The following EXT1 variants were observed in gnomAD, a reference collection of about 807,000 sequenced individuals.
The protein encoded by EXT1 is exostosin-1.
In EXT1, 20 loss-of-function variants were observed where a neutral mutation model predicts 82.5. The ratio of observed to expected loss-of-function variants is 0.24; its 90% CI spans 0.17 to 0.35. The LOEUF is 0.35. EXT1 is among the 10% of genes least tolerant of loss of function. The pLI, the probability that EXT1 is intolerant of heterozygous loss-of-function variation, is 1.00. For synonymous variants in EXT1, 348 were observed against 350.8 expected (o/e 0.99, Z 0.09); for missense variants, 757 against 936.5 (o/e 0.81, Z 2.50).
chr8:117,856,145 G>C (rs1812552486), intron 1 of EXT1, among the ~76,000 whole-genome samples: 2 of 152,290 alleles, frequency 1.3e-5, no homozygotes, highest in Middle Eastern at 3.4e-3. Flanking sequence ...TGAATGATAA[G>C]AGGGAGAAAC....
chr8:118,045,448 A>T (rs573020023), intron 1 of EXT1, among the ~76,000 whole-genome samples: 1 of 152,240 alleles, frequency 6.6e-6, no homozygotes, highest in Admixed American at 6.5e-5. Context: ...AAACCAGTAA[A>T]AGTTAGATAT....
intron 1 of EXT1, among the ~76,000 whole-genome samples, chr8:117,943,855 T>C (rs1292273087): frequency 1.3e-5 from 2 of 152,176 alleles, no homozygotes; most frequent in Non-Finnish European, 1.5e-5. Context: ...ATTCTTCTAG[T>C]GTCATTCCTG....
chr8:117,810,761 C>T (rs559533122), intron 8 of EXT1, among the ~76,000 whole-genome samples: 2 of 152,176 alleles, frequency 1.3e-5, no homozygotes, highest in Non-Finnish European at 2.9e-5. Flanking sequence ...CTCTTCTTGT[C>T]CTGCCCTGTG....
intron 8 of EXT1, among the ~76,000 whole-genome samples, chr8:117,807,866 T>TA (rs140138400): frequency 1.4e-3 from 211 of 147,890 alleles, no homozygotes; most frequent in African/African-American, 3.5e-3. Context: ...GAAATAACTT[T>TA]AAAAAAAAAA....
intron 1 of EXT1, among the ~76,000 whole-genome samples, chr8:118,007,114 G>A (rs548211888): frequency 2.7e-4 from 41 of 152,214 alleles, no homozygotes; most frequent in African/African-American, 7.5e-4. Context: ...TGGCTAACAC[G>A]GTGAAACCCC....
intron 1 of EXT1, among the ~76,000 whole-genome samples, chr8:117,986,568 T>C (rs1458471044): frequency 6.6e-6 from 1 of 152,168 alleles, no homozygotes; most frequent in African/African-American, 2.4e-5. Context: ...ATCCAGACTA[T>C]CTCTATGTGG....
At position 117,797,044 on chromosome 8, in the gene EXT1, T is replaced by C. The variant is rs138634968; in HGVS notation, c.*2668A>G. The C allele has an allele frequency of 6.6e-6, 1 of 152,230 alleles. No individual in the cohort carries two copies. Among genetic ancestry groups the C allele is most frequent in the East Asian group, 1.9e-4 (1 of 5,182 alleles). The allele number at this position is 152,230 out of a possible 1,614,324, so 9.4% of individuals were successfully genotyped here. A position where few individuals can be genotyped will look rare whatever the true frequency, so the allele number is the denominator to read the frequency against. ...CTTGGCTTCTCTCCAATGCAGCACA[T>C]GTTAGCCCACTTAGGGACCCCTAGT... On this transcript the variant is annotated 3_prime_UTR_variant, in exon 11 of 11. Transcript: ENST00000378204.
In EXT1 at chr8:117,837,067, G is replaced by T. The variant is rs374554042; in HGVS notation, c.1056+41C>A. The T allele has an allele frequency of 6.2e-6, 9 of 1,443,180 alleles. No individual in the cohort carries two copies. In the East Asian group the frequency reaches 9.1e-5, roughly 15 times the overall value. 89.4% of individuals were successfully genotyped at this position (1,443,180 alleles called of 1,614,324 possible). A position where few individuals can be genotyped will look rare whatever the true frequency, so the allele number is the denominator to read the frequency against. On this transcript the variant is annotated intron_variant, in intron 2 of 10. Transcript: ENST00000378204. ...TGTTAAACCCACTTAATCTGGCTTC[G>T]GTCCTCAGCCCTATTCTGGGAAGGC...
At position 117,796,397 on chromosome 8, in the gene EXT1, C is replaced by T. The variant is rs2129670214; in HGVS notation, c.*3315G>A. ...TTAATTAAAAAAAATAGTATATAGG[C>T]CTATTCACATTCATTCATCTCACCC... is the stretch of plus-strand genomic sequence containing the variant. On this transcript the variant is annotated 3_prime_UTR_variant, in exon 11 of 11. Coordinates refer to ENST00000378204, the MANE Select transcript of EXT1 (RefSeq NM_000127.3). 1 of 151,438 alleles carries T rather than the reference C, an allele frequency of 6.6e-6. No homozygotes were observed. Among genetic ancestry groups the T allele is most frequent in the South Asian group, 2.1e-4 (1 of 4,784 alleles). The allele number at this position is 151,438 out of a possible 1,614,324, so 9.4% of individuals were successfully genotyped here. A position where few individuals can be genotyped will look rare whatever the true frequency, so the allele number is the denominator to read the frequency against.
chr8:117,904,936 A>C (rs575588735), intron 1 of EXT1, among the ~76,000 whole-genome samples: 47 of 152,288 alleles, frequency 3.1e-4, no homozygotes, highest in African/African-American at 1.1e-3. Context: ...AGTGGTAACA[A>C]AGGGTGTGCT....
chr8:117,864,768 C>CA (rs767778554), intron 1 of EXT1, among the ~76,000 whole-genome samples: 3,713 of 117,570 alleles, frequency 0.032, 58 homozygotes, highest in Non-Finnish European at 0.036. Context: ...AAAAAAATCG[C>CA]AAAAAAAAAA....
Position 117,874,000 on chromosome 8 carries a change from T to A in EXT1, c.963-36799A>T, listed in dbSNP as rs377369879. ...GTGGCCTAGGAGAATTTCTTAGGTA[T>A]CTCCTTTGACTAACATACTTTAATC... On this transcript the variant is annotated intron_variant, in intron 1 of 10. Coordinates refer to ENST00000378204, the MANE Select transcript of EXT1 (RefSeq NM_000127.3). Among the ~76,000 whole-genome samples the A allele has an allele frequency of 2.6e-5, 4 of 152,300 alleles. No individual in the cohort carries two copies. The East Asian group carries it at 5.8e-4, about 22-fold the overall frequency.
Position 118,110,184 on chromosome 8 carries a change from T to C in EXT1, c.863A>G (p.Asn288Ser). Residue 288 changes from asparagine to serine, a missense_variant, in exon 1 of 11, where the codon AAC becomes AGC. Physicochemically the swap from Asn to Ser is conservative, Grantham distance 46. Coordinates refer to ENST00000378204, the MANE Select transcript of EXT1 (RefSeq NM_000127.3). ...GGTGAGGAGCACAACGTCCTCCCCGTTATGGACGTGATATAAGGCATTCCT... is the reference window on the plus strand; with the variant it reads ...GGTGAGGAGCACAACGTCCTCCCCGCTATGGACGTGATATAAGGCATTCCT... ...DTRNALYHVH[N>S]GEDVVLLTTC... 2 of 1,614,170 alleles carry C rather than the reference T, an allele frequency of 1.2e-6. No individual in the cohort carries two copies. Among genetic ancestry groups the C allele is most frequent in the Non-Finnish European group, 1.7e-6 (2 of 1,180,028 alleles).
intron 5 of EXT1, among the ~76,000 whole-genome samples, chr8:117,820,149 T>C (rs1811899124): frequency 6.6e-6 from 1 of 152,198 alleles, no homozygotes; most frequent in South Asian, 2.1e-4. Context: ...CCCATGGTAT[T>C]TGCATGTGTC....
chr8:117,875,419 TCTAA>T (rs1187334428), intron 1 of EXT1, among the ~76,000 whole-genome samples: 3 of 111,974 alleles, frequency 2.7e-5, no homozygotes, highest in Admixed American at 1.1e-4. Context: ...AAACTACCTC[TCTAA>T]ATAAATAAAT....
chr8:117,893,661 G>A (rs1046227334), intron 1 of EXT1, among the ~76,000 whole-genome samples: 3 of 152,088 alleles, frequency 2.0e-5, no homozygotes, highest in Non-Finnish European at 2.9e-5. Context: ...TCCGCCTTTC[G>A]CTGCAGCCTG....
At chr8:117,860,146 CAAAAAAAA>C (rs34399339) in intron 1 of EXT1, among the ~76,000 whole-genome samples, 5 of 76,902 alleles carry the variant, frequency 6.5e-5, no homozygotes, top group South Asian at 5.5e-4. Context: ...GATTCTATCT[CAAAAAAAA>C]AAAAAAAAAA....
intron 1 of EXT1, among the ~76,000 whole-genome samples, chr8:117,934,765 A>C (rs990246289): frequency 4.6e-5 from 7 of 152,214 alleles, no homozygotes; most frequent in African/African-American, 1.7e-4. Flanking sequence ...GCACTGCGGT[A>C]CAGGACAGCA....
At chr8:118,065,445 A>G (rs1424701476) in intron 1 of EXT1, among the ~76,000 whole-genome samples, 1 of 152,208 alleles carries the variant, frequency 6.6e-6, no homozygotes, top group Non-Finnish European at 1.5e-5. Flanking sequence ...AACAACAACA[A>G]AAACCAGACC....
Sources: allele counts gnomAD v4.1 joint callset (sites outside exome capture counted in the v4.1 genomes callset), GRCh38; gene constraint gnomAD v4.1.1; transcripts MANE v1.5; gene names NCBI Gene and HGNC (gene_info 2026-07-23, HGNC 2026-07-21).